MAPK10: variants seen among roughly 807,000 people sequenced by gnomAD.
The protein encoded by MAPK10 is mitogen-activated protein kinase 10, also known as JNK3 alpha protein kinase.
MAPK10 carries 25 observed loss-of-function variants against 59.3 expected under a neutral mutation model. The observed-to-expected ratio is 0.42, with a 90% confidence interval of 0.31 to 0.59. MAPK10 has a LOEUF of 0.59. Among genes scored for constraint, MAPK10 ranks in the 20% least tolerant of loss-of-function variants. MAPK10 has a pLI of 0.15. For missense variants in MAPK10, 351 were observed against 568.9 expected, an observed-to-expected ratio of 0.62 and a Z score of 3.90; for synonymous variants, 190 against 200.5, an observed-to-expected ratio of 0.95 and a Z score of 0.44.
At chr4:86,101,436 A>G (rs79190440) in intron 7 of MAPK10, 7,285 of 484,088 alleles carry the variant, frequency 0.015, 152 homozygotes, top group African/African-American at 0.066. Flanking sequence ...CATTTTCACA[A>G]TTTACACTAA....
chr4:86,375,713 T>TAAAAAAAAAAAAA (rs56189009), intron 1 of MAPK10, among the ~76,000 whole-genome samples: 2 of 33,320 alleles, frequency 6.0e-5, no homozygotes, highest in African/African-American at 2.6e-4. Flanking sequence ...AGGTCCACTC[T>TAAAAAAAAAAAAA]AAAAAAAAAA....
At chr4:86,150,414 T>C (rs1218973267) in intron 4 of MAPK10, among the ~76,000 whole-genome samples, 1 of 152,094 alleles carries the variant, frequency 6.6e-6, no homozygotes, top group Admixed American at 6.5e-5. Context: ...TTCATCCATA[T>C]AACAAAAAAA....
At chr4:86,033,929 T>G (rs2039631609) in intron 11 of MAPK10, among the ~76,000 whole-genome samples, 1 of 152,234 alleles carries the variant, frequency 6.6e-6, no homozygotes, top group African/African-American at 2.4e-5. Context: ...ATCATCAGGA[T>G]GAGATAGTTC....
At chr4:86,059,972 C>A (rs927771888) in intron 11 of MAPK10, among the ~76,000 whole-genome samples, 1 of 152,192 alleles carries the variant, frequency 6.6e-6, no homozygotes, top group African/African-American at 2.4e-5. Context: ...GCTGCCCAAG[C>A]AGCTCTACCT....
chr4:86,129,646 T>C (rs1299475691), intron 4 of MAPK10, among the ~76,000 whole-genome samples: 1 of 152,180 alleles, frequency 6.6e-6, no homozygotes, highest in Non-Finnish European at 1.5e-5. Context: ...TACTCCTAAA[T>C]GCACGTCCTG....
intron 2 of MAPK10, among the ~76,000 whole-genome samples, chr4:86,266,885 C>A (rs1264921503): frequency 2.0e-5 from 3 of 151,666 alleles, no homozygotes; most frequent in African/African-American, 7.3e-5. Context: ...ATATTTTCTG[C>A]AAAATTACAT....
At chr4:86,237,774 A>G (rs1482357994) in intron 2 of MAPK10, among the ~76,000 whole-genome samples, 2 of 151,820 alleles carry the variant, frequency 1.3e-5, no homozygotes, top group African/African-American at 2.4e-5. Context: ...GATTGCAAAA[A>G]TTTTCTCCCA....
At chr4:86,107,758 ATC>A (rs746558674) in intron 4 of MAPK10, 11 of 451,950 alleles carry the variant, frequency 2.4e-5, no homozygotes, top group Non-Finnish European at 3.2e-5. Context: ...TGAATTTCTC[ATC>A]TGTTAATATA....
intron 1 of MAPK10, among the ~76,000 whole-genome samples, chr4:86,482,971 CAGAG>C (rs1482524939): frequency 1.3e-5 from 2 of 152,058 alleles, no homozygotes; most frequent in African/African-American, 4.8e-5. Flanking sequence ...AGGATTTAGA[CAGAG>C]AGAGAAAGAA....
At chr4:86,488,774 C>A (rs1363109697) in intron 1 of MAPK10, among the ~76,000 whole-genome samples, 1 of 152,174 alleles carries the variant, frequency 6.6e-6, no homozygotes, top group East Asian at 1.9e-4. Context: ...CCTCTCTCTT[C>A]CATCATCTTC....
intron 1 of MAPK10, among the ~76,000 whole-genome samples, chr4:86,549,307 T>A (rs1264118073): frequency 6.6e-6 from 1 of 152,116 alleles, no homozygotes; most frequent in African/African-American, 2.4e-5. Flanking sequence ...TCATAGAGAG[T>A]ACTTACACAA....
chr4:86,173,634 T>A (rs2074945356), intron 3 of MAPK10, among the ~76,000 whole-genome samples: 1 of 151,992 alleles, frequency 6.6e-6, no homozygotes, highest in South Asian at 2.1e-4. Flanking sequence ...ACAAGTGGGA[T>A]CTAATTAAAC....
At chr4:86,550,205 C>A (rs914802236) in intron 1 of MAPK10, among the ~76,000 whole-genome samples, 1 of 150,984 alleles carries the variant, frequency 6.6e-6, no homozygotes, top group African/African-American at 2.4e-5. Flanking sequence ...CCATACTCCC[C>A]GAGGAATCTG....
At chr4:86,569,263 T>C (rs4405982) in intron 1 of MAPK10, among the ~76,000 whole-genome samples, 49,206 of 151,990 alleles carry the variant, frequency 0.32, 8,161 homozygotes, top group Admixed American at 0.37. Flanking sequence ...CACCTTATAC[T>C]AGTCAGAATG....
At chr4:86,504,283 T>C (rs1226845141) in intron 1 of MAPK10, among the ~76,000 whole-genome samples, 1 of 152,100 alleles carries the variant, frequency 6.6e-6, no homozygotes, top group East Asian at 1.9e-4. Flanking sequence ...TAAATGAGTC[T>C]CACAGAATGA....
intron 1 of MAPK10, among the ~76,000 whole-genome samples, chr4:86,385,486 T>C (rs888579083): frequency 1.3e-5 from 2 of 152,338 alleles, no homozygotes; most frequent in East Asian, 1.9e-4. Flanking sequence ...CTAACATTTC[T>C]TATACATATT....
At chr4:86,230,974 G>A (rs2091448928) in intron 2 of MAPK10, among the ~76,000 whole-genome samples, 1 of 152,186 alleles carries the variant, frequency 6.6e-6, no homozygotes, top group African/African-American at 2.4e-5. Context: ...AACTGGAAAA[G>A]GGATGCTGAA....
At chr4:86,468,439 C>T (rs1291565914) in intron 1 of MAPK10, among the ~76,000 whole-genome samples, 2 of 152,146 alleles carry the variant, frequency 1.3e-5, no homozygotes, top group Non-Finnish European at 2.9e-5. Flanking sequence ...TACTTTTATG[C>T]ATTTTGAATT....
At chr4:86,363,742 CTT>C (rs201096007), upstream of MAPK10, among the ~76,000 whole-genome samples, 26,710 of 151,978 alleles carry the variant, frequency 0.18, 2,426 homozygotes, top group East Asian at 0.25. Flanking sequence ...ATTTATTCCT[CTT>C]GTTTTACTAA....
Sources: allele counts gnomAD v4.1 joint callset (sites outside exome capture counted in the v4.1 genomes callset), GRCh38; gene constraint gnomAD v4.1.1; transcripts MANE v1.5; gene names NCBI Gene and HGNC (gene_info 2026-07-23, HGNC 2026-07-21).